MYT1L: variants seen among roughly 807,000 people sequenced by gnomAD.
MYT1L encodes the protein myelin transcription factor 1 like.
A neutral mutation model predicts 126.7 loss-of-function variants in MYT1L; 12 were observed. The ratio of observed to expected loss-of-function variants is 0.09; its 90% CI spans 0.06 to 0.15. MYT1L has a LOEUF of 0.15. Ranked by LOEUF, MYT1L falls within the 10% of genes least tolerant of loss-of-function variation. The pLI, the probability that MYT1L is intolerant of heterozygous loss-of-function variation, is 1.00. For synonymous variants in MYT1L, 541 were observed against 604.2 expected (o/e 0.90, Z 1.53); for missense variants, 979 against 1,585.2 (o/e 0.62, Z 6.49).
intron 2 of MYT1L, among the ~76,000 whole-genome samples, chr2:2,277,159 A>AT (rs1011452595): frequency 7.3e-5 from 11 of 151,258 alleles, no homozygotes; most frequent in South Asian, 2.1e-4. Context: ...TTTTTTTTGT[A>AT]TTTTTTTTAG....
At chr2:2,164,949 A>G (rs1278781964) in intron 3 of MYT1L, among the ~76,000 whole-genome samples, 1 of 152,184 alleles carries the variant, frequency 6.6e-6, no homozygotes, top group African/African-American at 2.4e-5. Context: ...GTTCACCTGC[A>G]GCTTCACCAA....
intron 23 of MYT1L, among the ~76,000 whole-genome samples, chr2:1,799,392 G>A (rs2034414077): frequency 6.6e-6 from 1 of 152,182 alleles, no homozygotes; most frequent in Admixed American, 6.5e-5. Flanking sequence ...TCAGATCCAG[G>A]CGGCATGACC....
rs2042382561 is a variant in MYT1L, at chr2:1,845,573, A to ATGG, written c.2775-4731_2775-4730insCCA. On this transcript the variant is annotated intron_variant, in intron 19 of 24. Transcript: ENST00000647738. ...CCTCCCACTCCTGGCCCTGCTGGTC[A>ATGG]CGGCCCCATTGCTGCTCTCCTCACC... 1.6e-4 allele frequency among the ~76,000 whole-genome samples: 25 copies of ATGG among 151,862 alleles called. No individual in the cohort carries two copies. The South Asian group carries it at 5.0e-3, about 31-fold the overall frequency.
intron 18 of MYT1L, among the ~76,000 whole-genome samples, chr2:1,871,450 A>G (rs1356715652): frequency 6.6e-6 from 1 of 152,252 alleles, no homozygotes; most frequent in Non-Finnish European, 1.5e-5. Context: ...AGTCCTCTGC[A>G]GAGAGCTGGA....
At chr2:1,851,034 C>T (rs1192422489) in intron 19 of MYT1L, among the ~76,000 whole-genome samples, 3 of 152,178 alleles carry the variant, frequency 2.0e-5, no homozygotes, top group African/African-American at 7.2e-5. Flanking sequence ...TTTCCATTCT[C>T]GGCTAAATAG....
chr2:2,296,320 G>A (rs750536380), intron 1 of MYT1L, among the ~76,000 whole-genome samples: 1 of 152,102 alleles, frequency 6.6e-6, no homozygotes, highest in African/African-American at 2.4e-5. Flanking sequence ...ATTAAACAAT[G>A]CTTGGCCTGT....
At chr2:2,095,682 G>T (rs1300743420) in intron 3 of MYT1L, among the ~76,000 whole-genome samples, 2 of 152,028 alleles carry the variant, frequency 1.3e-5, no homozygotes, top group African/African-American at 4.8e-5. Context: ...GCAATCTATG[G>T]GCCAAAGGGT....
At chr2:2,283,927 A>C (rs2095483001) in intron 2 of MYT1L, among the ~76,000 whole-genome samples, 2 of 152,142 alleles carry the variant, frequency 1.3e-5, no homozygotes. Flanking sequence ...CAACTTTCTT[A>C]CAGGGTACTC....
At chr2:2,241,065 C>T (rs2094430825) in intron 2 of MYT1L, among the ~76,000 whole-genome samples, 1 of 151,922 alleles carries the variant, frequency 6.6e-6, no homozygotes, top group South Asian at 2.1e-4. Context: ...TATGTTAGCC[C>T]CTTTTATTTA....
At chr2:1,877,663 C>T (rs995172217) in intron 18 of MYT1L, among the ~76,000 whole-genome samples, 2 of 152,154 alleles carry the variant, frequency 1.3e-5, no homozygotes, top group Non-Finnish European at 2.9e-5. Flanking sequence ...GCTGCTCGCA[C>T]GCCTGTGCTG....
chr2:2,047,834 T>C (rs2068370778), intron 4 of MYT1L, among the ~76,000 whole-genome samples: 1 of 152,138 alleles, frequency 6.6e-6, no homozygotes, highest in South Asian at 2.1e-4. Flanking sequence ...GGAAATAATG[T>C]AAACTACTAC....
intron 18 of MYT1L, among the ~76,000 whole-genome samples, chr2:1,873,594 A>C (rs564719778): frequency 2.6e-4 from 39 of 152,288 alleles, no homozygotes; most frequent in African/African-American, 8.4e-4. Flanking sequence ...CTTCAATTAA[A>C]TTCACTGATG....
intron 3 of MYT1L, among the ~76,000 whole-genome samples, chr2:2,122,039 C>T (rs1415377739): frequency 6.6e-6 from 1 of 152,204 alleles, no homozygotes; most frequent in Admixed American, 6.5e-5. Flanking sequence ...TTAAACTGTG[C>T]GTCTGTCAGC....
chr2:2,101,060 C>T (rs757006233), intron 3 of MYT1L, among the ~76,000 whole-genome samples: 1 of 152,146 alleles, frequency 6.6e-6, no homozygotes, highest in Non-Finnish European at 1.5e-5. Flanking sequence ...CTCTTTCAAC[C>T]TGGTTGCCTG....
rs530715819 is a variant in MYT1L at position 1,836,064 on chromosome 2, G to A, written c.3080+3085C>T. Among the ~76,000 whole-genome samples, 8 of 152,242 alleles carry A rather than the reference G, an allele frequency of 5.3e-5. No homozygotes were observed. The East Asian group carries it at 9.7e-4, about 18-fold the overall frequency. On this transcript the variant is annotated intron_variant, in intron 21 of 24. Transcript: ENST00000647738. ...TGAAAGAGGAGGCTGCTGAGCCCTG[G>A]GGCAAGGGTGGGTGGCAACCAGGTG...
intron 4 of MYT1L, among the ~76,000 whole-genome samples, chr2:2,017,739 T>A (rs1463171491): frequency 1.3e-5 from 2 of 152,114 alleles, no homozygotes; most frequent in African/African-American, 4.8e-5. Context: ...CATCCATCCA[T>A]CCATCCATCC....
intron 3 of MYT1L, among the ~76,000 whole-genome samples, chr2:2,072,973 T>C (rs1279716729): frequency 3.9e-5 from 6 of 152,012 alleles, no homozygotes; most frequent in African/African-American, 1.5e-4. Context: ...TTTGGGCAGG[T>C]TTGGTATCTG....
intron 4 of MYT1L, among the ~76,000 whole-genome samples, chr2:2,032,460 T>C (rs2066432631): frequency 9.3e-6 from 1 of 107,676 alleles, no homozygotes; most frequent in African/African-American, 3.9e-5. Flanking sequence ...GAGCAGATTC[T>C]AGAAGGAGGG....
chr2:1,950,130 G>A (rs1210955671), intron 8 of MYT1L, among the ~76,000 whole-genome samples: 1 of 149,590 alleles, frequency 6.7e-6, no homozygotes, highest in Non-Finnish European at 1.5e-5. Context: ...TAACTTTGAG[G>A]GACAGAGATT....
Sources: gnomAD v4.1 joint callset for allele counts (sites outside exome capture counted in the v4.1 genomes callset) on GRCh38, gnomAD v4.1.1 for gene constraint, MANE v1.5 for transcripts, NCBI Gene and HGNC (gene_info 2026-07-23, HGNC 2026-07-21) for gene names.